Variants in RBFOX1 observed in about 807,000 individuals in gnomAD.
RBFOX1 encodes RNA binding fox-1 homolog 1.
RBFOX1 carries 8 observed loss-of-function variants against 57.7 expected under a neutral mutation model. The ratio of observed to expected loss-of-function variants is 0.14; its 90% CI spans 0.08 to 0.25. The LOEUF (loss-of-function observed/expected upper bound fraction) is 0.25. Ranked by LOEUF, RBFOX1 falls within the 10% of genes least tolerant of loss-of-function variation. The probability of loss-of-function intolerance (pLI) is 1.00; values close to 1 mark genes in which losing one functional copy is unlikely to be tolerated. For missense variants in RBFOX1, 611 were observed against 548.5 expected, an observed-to-expected ratio of 1.11 and a Z score of -1.14; for synonymous variants, 326 against 222.4, an observed-to-expected ratio of 1.47 and a Z score of -4.15.
chr16:6,390,277 C>G (rs146507492), intron 2 of RBFOX1, among the ~76,000 whole-genome samples: 1 of 152,244 alleles, frequency 6.6e-6, no homozygotes, highest in African/African-American at 2.4e-5. Flanking sequence ...TGATTATTTT[C>G]TGGTTTAGAG....
At chr16:7,135,678 C>T (rs2071727498) in intron 4 of RBFOX1, among the ~76,000 whole-genome samples, 1 of 152,232 alleles carries the variant, frequency 6.6e-6, no homozygotes, top group Non-Finnish European at 1.5e-5. Flanking sequence ...TCGTCTGGTT[C>T]ATTCCAACAA....
chr16:6,340,855 C>T (rs946542471), intron 2 of RBFOX1, among the ~76,000 whole-genome samples: 2 of 152,074 alleles, frequency 1.3e-5, no homozygotes, highest in Non-Finnish European at 2.9e-5. Flanking sequence ...TGTTCACATG[C>T]CTTTGACACA....
At chr16:7,227,049 T>C (rs1225072999) in intron 4 of RBFOX1, among the ~76,000 whole-genome samples, 1 of 152,154 alleles carries the variant, frequency 6.6e-6, no homozygotes, top group Admixed American at 6.5e-5. Context: ...TTGCACACTT[T>C]CTTCATTTCC....
chr16:6,837,168 GT>G (rs1434486432), intron 3 of RBFOX1, among the ~76,000 whole-genome samples: 1 of 152,232 alleles, frequency 6.6e-6, no homozygotes, highest in Non-Finnish European at 1.5e-5. Flanking sequence ...GGTTTTCTGA[GT>G]TTAAATAACT....
At chr16:6,796,651 C>G (rs1430570858) in intron 3 of RBFOX1, among the ~76,000 whole-genome samples, 2 of 152,234 alleles carry the variant, frequency 1.3e-5, no homozygotes, top group Admixed American at 6.5e-5. Flanking sequence ...AAAATTTTCT[C>G]TTGTAATTCT....
intron 3 of RBFOX1, among the ~76,000 whole-genome samples, chr16:6,793,586 A>G (rs1367871326): frequency 6.6e-6 from 1 of 152,146 alleles, no homozygotes; most frequent in African/African-American, 2.4e-5. Context: ...CTGTTTTGAA[A>G]TGACTCATTC....
intron 4 of RBFOX1, among the ~76,000 whole-genome samples, chr16:7,341,792 T>C (rs9937353): frequency 9.1e-5 from 7 of 76,672 alleles, no homozygotes; most frequent in African/African-American, 1.1e-4. Context: ...CCTTCCTTCC[T>C]TCCTTCCTTC....
At chr16:6,096,773 C>T (rs1333491585) in intron 1 of RBFOX1, among the ~76,000 whole-genome samples, 2 of 152,166 alleles carry the variant, frequency 1.3e-5, no homozygotes, top group African/African-American at 4.8e-5. Flanking sequence ...ATAGATAATA[C>T]CCTTGATTAT....
chr16:6,401,778 CTA>C (rs933272480), intron 2 of RBFOX1, among the ~76,000 whole-genome samples: 1 of 151,730 alleles, frequency 6.6e-6, no homozygotes, highest in African/African-American at 2.4e-5. Flanking sequence ...AAATGATAAA[CTA>C]TAGTTTATTT....
At chr16:6,375,056 G>T (rs192281531) in intron 2 of RBFOX1, among the ~76,000 whole-genome samples, 7 of 152,006 alleles carry the variant, frequency 4.6e-5, no homozygotes, top group Non-Finnish European at 8.8e-5. Flanking sequence ...TTGAGACCTC[G>T]CCAGGTCCAA....
At chr16:5,454,755 TTTTCTTTCTTTCTCTTTCTTTC>T (rs1414542821) in intron 1 of RBFOX1, among the ~76,000 whole-genome samples, 2 of 62,880 alleles carry the variant, frequency 3.2e-5, no homozygotes, top group East Asian at 1.5e-3. Flanking sequence ...TTTTCTTTTC[TTTTCTTTCTTTCTCTTTCTTTC>T]TTTCTTTCTT....
chr16:5,530,385 A>T (rs953868725), intron 2 of RBFOX1, among the ~76,000 whole-genome samples: 2 of 152,130 alleles, frequency 1.3e-5, no homozygotes, highest in African/African-American at 4.8e-5. Context: ...GGGTTCAGAG[A>T]TGTGAAGTGA....
intron 3 of RBFOX1, among the ~76,000 whole-genome samples, chr16:6,958,389 C>T (rs989559167): frequency 3.3e-5 from 5 of 152,156 alleles, no homozygotes; most frequent in Non-Finnish European, 5.9e-5. Context: ...ATGGAGTCAG[C>T]ATATTTCCCC....
At chr16:5,959,992 G>A (rs1013753392) in intron 4 of RBFOX1, among the ~76,000 whole-genome samples, 14 of 152,074 alleles carry the variant, frequency 9.2e-5, no homozygotes, top group African/African-American at 2.7e-4. Context: ...CCTGAGGTCC[G>A]GAGTTCAAGA....
intron 3 of RBFOX1, among the ~76,000 whole-genome samples, chr16:7,001,406 G>GTATATGTATATCTATATC (rs1481337529): frequency 1.1e-4 from 13 of 121,550 alleles, no homozygotes; most frequent in Non-Finnish European, 3.6e-5. Flanking sequence ...ATTTGTATAT[G>GTATATGTATATCTATATC]TATATGTATA....
chr16:6,218,743 A>C (rs901666061), intron 1 of RBFOX1, among the ~76,000 whole-genome samples: 2 of 152,144 alleles, frequency 1.3e-5, no homozygotes, highest in African/African-American at 4.8e-5. Flanking sequence ...ATCCCTGGGA[A>C]CTTCCACTGG....
At chr16:5,627,580 A>G (rs2151296155) in intron 3 of RBFOX1, among the ~76,000 whole-genome samples, 1 of 152,348 alleles carries the variant, frequency 6.6e-6, no homozygotes, top group East Asian at 1.9e-4. Flanking sequence ...ACTTTATAAT[A>G]AATAAGCAAC....
intron 12 of RBFOX1, among the ~76,000 whole-genome samples, chr16:7,662,146 AATT>A (rs2067923320): frequency 6.6e-6 from 1 of 152,220 alleles, no homozygotes; most frequent in African/African-American, 2.4e-5. Flanking sequence ...GCCTGGGATC[AATT>A]CTTCTCTCCG....
At chr16:6,526,233 G>T (rs115186061) in intron 2 of RBFOX1, among the ~76,000 whole-genome samples, 2,241 of 152,310 alleles carry the variant, frequency 0.015, 40 homozygotes, top group African/African-American at 0.046. Flanking sequence ...TCACCCCAAT[G>T]TTTCTGCCAC....
Sources: gnomAD v4.1 joint callset for allele counts (sites outside exome capture counted in the v4.1 genomes callset) on GRCh38, gnomAD v4.1.1 for gene constraint, MANE v1.5 for transcripts, NCBI Gene and HGNC (gene_info 2026-07-23, HGNC 2026-07-21) for gene names.